CAMSAP1: variants seen among roughly 807,000 people sequenced by gnomAD.
CAMSAP1 encodes calmodulin regulated spectrin associated protein 1, also known as calmodulin-regulated spectrin-associated protein 1.
Under a neutral mutation model 143.5 loss-of-function variants are expected in CAMSAP1, and 58 were observed. That is an observed-to-expected ratio of 0.40 (90% CI 0.33 to 0.50). The LOEUF is 0.50. CAMSAP1 is among the 20% of genes least tolerant of loss of function. The pLI is 0.45. For missense variants in CAMSAP1, 1,969 were observed against 2,115.7 expected (o/e 0.93, Z 1.36); for synonymous variants, 945 against 859.3 (o/e 1.10, Z -1.74).
chr9:135,843,901 C>A (rs577805598), intron 7 of CAMSAP1, among the ~76,000 whole-genome samples: 19 of 149,212 alleles, frequency 1.3e-4, no homozygotes, highest in African/African-American at 4.7e-4. Context: ...AAAAAAGAAG[C>A]GCTAACTATC....
chr9:135,838,445 TCAC>T (rs1292247735), intron 7 of CAMSAP1, among the ~76,000 whole-genome samples: 2 of 137,866 alleles, frequency 1.5e-5, no homozygotes, highest in Admixed American at 7.4e-5. Context: ...ACACACATCA[TCAC>T]GCACTTTCCA....
chr9:135,847,700 G>A (rs564022125), intron 7 of CAMSAP1, among the ~76,000 whole-genome samples: 1 of 148,038 alleles, frequency 6.8e-6, no homozygotes, highest in Non-Finnish European at 1.5e-5. Context: ...CACCTGTCGG[G>A]GGGTGGGAGG....
chr9:135,818,092 G>C lies in CAMSAP1; in HGVS notation c.4169-13C>G. The C allele has an allele frequency of 6.2e-7, 1 of 1,612,686 alleles. No homozygotes were observed. The highest frequency in any genetic ancestry group is 8.5e-7 in the Non-Finnish European group (1 of 1,179,056). ...CTCAAGTTATCAGCTGCCAGAGACA[G>C]AAACAGACGACGGTTCATGAACGGA... On this transcript the variant is annotated splice_polypyrimidine_tract_variant and intron_variant, in intron 13 of 16. Coordinates refer to ENST00000389532, the MANE Select transcript of CAMSAP1 (RefSeq NM_015447.4). This position sits in a 1 kb window ranked among gnomAD's most constrained non-coding sequence, Gnocchi z 7.7.
chr9:135,857,366 G>A (rs1837016846), intron 5 of CAMSAP1, among the ~76,000 whole-genome samples: 1 of 152,030 alleles, frequency 6.6e-6, no homozygotes. Flanking sequence ...CAGTTCAGTG[G>A]CTCTCCCATC....
chr9:135,849,846 TGTA>T (rs1305913845), intron 7 of CAMSAP1: 2 of 256,298 alleles, frequency 7.8e-6, no homozygotes, highest in Non-Finnish European at 1.5e-5. Flanking sequence ...TATTTTAATC[TGTA>T]GTAAACATTT....
chr9:135,881,155 C>A (rs1440555670), intron 3 of CAMSAP1, among the ~76,000 whole-genome samples: 2 of 151,704 alleles, frequency 1.3e-5, no homozygotes, highest in Non-Finnish European at 2.9e-5. Context: ...CCAGCCTGGG[C>A]AACACAGTGA....
At chr9:135,873,225 T>C (rs1031784365) in intron 3 of CAMSAP1, among the ~76,000 whole-genome samples, 2 of 152,176 alleles carry the variant, frequency 1.3e-5, no homozygotes, top group African/African-American at 2.4e-5. Flanking sequence ...GACTTCTAGA[T>C]AACCCAGTGA....
At chr9:135,831,736 CAAAT>C (rs1305137321) in intron 7 of CAMSAP1, among the ~76,000 whole-genome samples, 10 of 151,842 alleles carry the variant, frequency 6.6e-5, no homozygotes, top group Admixed American at 1.3e-4. Flanking sequence ...GAAAAAGACT[CAAAT>C]AAAATCAGAA....
At chr9:135,860,613 A>G (rs1473222048) in intron 5 of CAMSAP1, among the ~76,000 whole-genome samples, 1 of 151,576 alleles carries the variant, frequency 6.6e-6, no homozygotes, top group African/African-American at 2.4e-5. Context: ...AAAAAAAAAA[A>G]AAAAAAAAGT....
intron 16 of CAMSAP1, among the ~76,000 whole-genome samples, chr9:135,813,576 C>T (rs966150654): frequency 1.1e-4 from 16 of 152,168 alleles, no homozygotes; most frequent in African/African-American, 3.6e-4. Flanking sequence ...GCTGCCTGCA[C>T]GATAAGGAAG....
intron 3 of CAMSAP1, among the ~76,000 whole-genome samples, chr9:135,867,978 C>T (rs1837438030): frequency 6.6e-6 from 1 of 152,170 alleles, no homozygotes; most frequent in African/African-American, 2.4e-5. Flanking sequence ...AAAGTTGGAG[C>T]AAGAACCCAG....
At chr9:135,836,599 CCA>C (rs1836052448) in intron 7 of CAMSAP1, 1 of 981,078 alleles carries the variant, frequency 1.0e-6, no homozygotes, top group South Asian at 4.7e-5. Flanking sequence ...CATTCTGCAG[CCA>C]CACATCGCCA....
intron 16 of CAMSAP1, among the ~76,000 whole-genome samples, chr9:135,814,754 G>C (rs755831114): frequency 3.3e-5 from 5 of 152,174 alleles, no homozygotes; most frequent in Admixed American, 2.0e-4. Flanking sequence ...TGATCTACTG[G>C]GAAGGGCAGG....
Position 135,820,673 on chromosome 9 carries a change from T to C in CAMSAP1, c.3822+166A>G, listed in dbSNP as rs1835411441. Among the ~76,000 whole-genome samples, 1 of 151,822 alleles carries C rather than the reference T, an allele frequency of 6.6e-6. No individual in the cohort carries two copies. The highest frequency in any genetic ancestry group is 1.5e-5 in the Non-Finnish European group (1 of 67,958). On this transcript the variant is annotated intron_variant, in intron 11 of 16. Coordinates refer to ENST00000389532, the MANE Select transcript of CAMSAP1 (RefSeq NM_015447.4). The surrounding 1 kb of genome is among the most constrained non-coding windows in gnomAD (Gnocchi z 4.4). ...CGGGACTGCTTCTGGCCAAGTGGAG[T>C]CCTCGGGACAGAGACTCTGTGGCCC...
intron 1 of CAMSAP1, among the ~76,000 whole-genome samples, chr9:135,902,001 G>C (rs1005944426): frequency 6.6e-6 from 1 of 152,182 alleles, no homozygotes; most frequent in African/African-American, 2.4e-5. Context: ...ACAAGTATTT[G>C]AGCACTCTGT....
At chr9:135,831,192 A>C (rs558153328) in intron 7 of CAMSAP1, among the ~76,000 whole-genome samples, 1 of 152,346 alleles carries the variant, frequency 6.6e-6, no homozygotes, top group South Asian at 2.1e-4. Flanking sequence ...GCAAGAAAAC[A>C]GGATGATTGA....
chr9:135,825,367 C>T (rs558414606), intron 8 of CAMSAP1, among the ~76,000 whole-genome samples: 10 of 152,316 alleles, frequency 6.6e-5, no homozygotes, highest in Non-Finnish European at 1.2e-4. Context: ...GCAGCATGAA[C>T]ATTCCCACAC....
In CAMSAP1 at chr9:135,820,055, G is replaced by A. The variant is rs774178312; in HGVS notation, c.3822+784C>T. 2.6e-5 allele frequency among the ~76,000 whole-genome samples: 4 copies of A among 152,190 alleles called. No homozygotes were observed. The highest frequency in any genetic ancestry group is 7.2e-5 in the African/African-American group (3 of 41,452). On this transcript the variant is annotated intron_variant, in intron 11 of 16. Coordinates refer to ENST00000389532, the MANE Select transcript of CAMSAP1 (RefSeq NM_015447.4). The surrounding 1 kb of genome is among the most constrained non-coding windows in gnomAD (Gnocchi z 4.4). ...AACGTTCTGAGAAATAGGTCCTCAG[G>A]TGACTCTGCTGCTGTGTGAGCATGA...
At chr9:135,836,608 G>A (rs917835405) in intron 7 of CAMSAP1, 213 of 956,872 alleles carry the variant, frequency 2.2e-4, no homozygotes, top group Non-Finnish European at 2.5e-4. Flanking sequence ...GCCACACATC[G>A]CCACGTACCT....
Sources: gnomAD v4.1 joint callset for allele counts (sites outside exome capture counted in the v4.1 genomes callset) on GRCh38, gnomAD v4.1.1 for gene constraint, Gnocchi (gnomAD v3.1) non-coding constraint, MANE v1.5 for transcripts, NCBI Gene and HGNC (gene_info 2026-07-23, HGNC 2026-07-21) for gene names.